Variants in TOP1MT observed in about 807,000 individuals in gnomAD.
TOP1MT encodes the protein DNA topoisomerase I, mitochondrial.
TOP1MT carries 80 observed loss-of-function variants against 73.9 expected under a neutral mutation model. The ratio of observed to expected loss-of-function variants is 1.08; its 90% CI spans 0.90 to 1.30. TOP1MT has a LOEUF of 1.30. Among genes scored for constraint, TOP1MT ranks in the 50% most tolerant of loss-of-function variants. The pLI, the probability that TOP1MT is intolerant of heterozygous loss-of-function variation, is 0.00. For synonymous variants in TOP1MT, 338 were observed against 326.4 expected, an observed-to-expected ratio of 1.04 and a Z score of -0.38; for missense variants, 815 against 808.0, an observed-to-expected ratio of 1.01 and a Z score of -0.10.
chr8:143,317,658 G>A, intron 10 of TOP1MT, 65 bp downstream of exon 10: 1 of 1,446,084 alleles, frequency 6.9e-7, no homozygotes, highest in Non-Finnish European at 9.5e-7. Context: ...GGCCAGCCGG[G>A]GAGCCCGGTC....
upstream of TOP1MT, among the ~76,000 whole-genome samples, chr8:143,339,289 G>C (rs1817033889): frequency 6.6e-6 from 1 of 152,186 alleles, no homozygotes; most frequent in South Asian, 2.1e-4. Flanking sequence ...GCGATGGTAT[G>C]CATCGTTCTT....
intron 3 of TOP1MT, chr8:143,328,384 A>G (rs1816759818): frequency 4.8e-6 from 2 of 420,300 alleles, no homozygotes; most frequent in African/African-American, 2.1e-5. Context: ...TCAGTTTTTT[A>G]AATAGACAAA....
intron 1 of TOP1MT, among the ~76,000 whole-genome samples, chr8:143,352,024 G>A (rs1817328731): frequency 6.6e-6 from 1 of 152,270 alleles, no homozygotes. Context: ...GGAGGTTGTG[G>A]TGAGCCAAGA....
chr8:143,334,871 T>A lies in TOP1MT; in HGVS notation c.-10A>T, dbSNP rs1586775178. ...GCCGCACCACGCGCATCTGCCAGCCTCCGGGAAAGAGCGACAAGCTGGGCC... is the reference window on the plus strand; with the variant it reads ...GCCGCACCACGCGCATCTGCCAGCCACCGGGAAAGAGCGACAAGCTGGGCC... On this transcript the variant is annotated 5_prime_UTR_variant, in exon 1 of 14. Transcript: ENST00000329245. 2 of 1,447,968 alleles carry A rather than the reference T, an allele frequency of 1.4e-6. No individual in the cohort carries two copies. Among genetic ancestry groups the A allele is most frequent in the Non-Finnish European group, 8.9e-7 (1 of 1,121,510 alleles). 89.7% of individuals were successfully genotyped at this position (1,447,968 alleles called of 1,614,324 possible).
At position 143,326,431 on chromosome 8, in the gene TOP1MT, G is replaced by A. The variant is rs373047422; in HGVS notation, c.361-87C>T. 161 of 1,567,952 alleles carry A rather than the reference G, an allele frequency of 1.0e-4. 1 individual carries two copies. The South Asian group carries it at 1.5e-3, about 15-fold the overall frequency. ...CGCCATGTCTGACGGACAGAAACGC[G>A]CTCTCGCCATGTCCGACGGAGGCGT... is the stretch of plus-strand genomic sequence containing the variant. On this transcript the variant is annotated intron_variant, in intron 3 of 13. Transcript: ENST00000329245.
intron 8 of TOP1MT, among the ~76,000 whole-genome samples, chr8:143,319,124 C>T (rs146090229): frequency 2.0e-5 from 3 of 152,196 alleles, no homozygotes; most frequent in Non-Finnish European, 4.4e-5. Context: ...CTGTCTCCTA[C>T]CTCCGATTAA....
Position 143,309,336 on chromosome 8 carries a change from T to C in TOP1MT, c.*105A>G, listed in dbSNP as rs533036899. On this transcript the variant is annotated 3_prime_UTR_variant, in exon 14 of 14. Transcript: ENST00000329245. ...CCGGCCTGGGGACTTTTTCTAGTGATGTACAAGCACTTGCACACATTTTAT... is the reference window on the plus strand; with the variant it reads ...CCGGCCTGGGGACTTTTTCTAGTGACGTACAAGCACTTGCACACATTTTAT... 41 of 1,260,108 alleles carry C rather than the reference T, an allele frequency of 3.3e-5. No homozygotes were observed. Among genetic ancestry groups the C allele is most frequent in the Admixed American group, 4.2e-5 (2 of 47,198 alleles). The allele number at this position is 1,260,108 out of a possible 1,614,324, so 78.1% of individuals were successfully genotyped here. A position where few individuals can be genotyped will look rare whatever the true frequency, so the allele number is the denominator to read the frequency against.
chr8:143,323,368 C>T (rs373589794), intron 7 of TOP1MT, among the ~76,000 whole-genome samples: 2 of 134,046 alleles, frequency 1.5e-5, no homozygotes, highest in Non-Finnish European at 3.1e-5. Context: ...CCCACAGGCA[C>T]GCCACACAGA....
chr8:143,350,530 C>T (rs1186795507), intron 1 of TOP1MT, among the ~76,000 whole-genome samples: 1 of 152,184 alleles, frequency 6.6e-6, no homozygotes, highest in African/African-American at 2.4e-5. Context: ...CGGGGTTTCG[C>T]CATGTTGGCC....
intron 5 of TOP1MT, 115 bp downstream of exon 5, chr8:143,325,231 G>A: frequency 2.0e-6 from 2 of 985,326 alleles, no homozygotes; most frequent in East Asian, 5.3e-5. Context: ...ATGGTGTGGG[G>A]GTCACCAACC....
chr8:143,345,827 T>G (rs939157817), upstream of TOP1MT, among the ~76,000 whole-genome samples: 1 of 152,220 alleles, frequency 6.6e-6, no homozygotes, highest in African/African-American at 2.4e-5. Flanking sequence ...ACTATTGCAT[T>G]GCTTTTCAAA....
intron 13 of TOP1MT, chr8:143,309,777 C>A: frequency 6.5e-7 from 1 of 1,533,556 alleles, no homozygotes; most frequent in Non-Finnish European, 8.7e-7. Context: ...GAGCAGGGCG[C>A]TCAGCCACCT....
chr8:143,345,961 G>A (rs1339734555), upstream of TOP1MT, among the ~76,000 whole-genome samples: 1 of 152,256 alleles, frequency 6.6e-6, no homozygotes. Flanking sequence ...GGGGGCAGGG[G>A]TGATGGTCGA....
At chr8:143,345,683 T>C (rs1817208536), upstream of TOP1MT, among the ~76,000 whole-genome samples, 1 of 152,216 alleles carries the variant, frequency 6.6e-6, no homozygotes, top group African/African-American at 2.4e-5. Context: ...GAAGAATACA[T>C]TACATAGTAC....
Position 143,324,577 on chromosome 8 carries a change from A to G in TOP1MT, c.724T>C (p.Ser242Pro). The G allele has an allele frequency of 6.2e-7, 1 of 1,613,692 alleles. No homozygotes were observed. Reference protein sequence around the residue: ...PAGHQWKEVRSDNTVTWLAAW... With the variant: ...PAGHQWKEVRPDNTVTWLAAW... ...GCCAGCCACGTGACGGTGTTATCGGAGCGCACCTCCTTCCACTGGTGCCCC... is the reference window on the plus strand; with the variant it reads ...GCCAGCCACGTGACGGTGTTATCGGGGCGCACCTCCTTCCACTGGTGCCCC... Residue 242 changes from serine to proline, a missense_variant, in exon 6 of 14, where the codon TCC becomes CCC. Ser to Pro is a moderately conservative substitution (Grantham distance 74). This residue lies in a region of TOP1MT where 751 missense variants were observed against 725.4 expected (regional missense o/e 1.04). Coordinates refer to ENST00000329245, the MANE Select transcript of TOP1MT (RefSeq NM_052963.3).
At position 143,326,409 on chromosome 8, in the gene TOP1MT, C is replaced by T. The variant is rs1457424514; in HGVS notation, c.361-65G>A. The T allele has an allele frequency of 1.1e-5, 18 of 1,597,994 alleles. No homozygotes were observed. The Admixed American group carries it at 3.1e-4, about 27-fold the overall frequency. On this transcript the variant is annotated intron_variant, in intron 3 of 13. Coordinates refer to ENST00000329245, the MANE Select transcript of TOP1MT (RefSeq NM_052963.3). ...GGACAGACATGCAGAGCGCTCTCGC[C>T]ATGTCTGACGGACAGAAACGCGCTC...
chr8:143,326,878 G>A (rs1317708526), intron 3 of TOP1MT, among the ~76,000 whole-genome samples: 1 of 152,206 alleles, frequency 6.6e-6, no homozygotes, highest in Non-Finnish European at 1.5e-5. Flanking sequence ...CAGCTCTGGG[G>A]GCTGGAAGGC....
At position 143,329,433 on chromosome 8, in the gene TOP1MT, C is replaced by A. The variant is rs200830353; in HGVS notation, c.277G>T (p.Ala93Ser). 2 of 1,610,908 alleles carry A rather than the reference C, an allele frequency of 1.2e-6. No homozygotes were observed. Among genetic ancestry groups the A allele is most frequent in the Non-Finnish European group, 1.7e-6 (2 of 1,179,110 alleles). The part of the protein sequence containing the change: ...VRLSVAAEEV[A>S]TFYGRMLDHE... ...TCTAACATCCTCCCATAAAAAGTGG[C>A]GACCTCCTCCGCTGCCACGCTCAAT... is the stretch of plus-strand genomic sequence containing the variant. Residue 93 changes from alanine to serine, a missense_variant, in exon 3 of 14, where the codon GCC becomes TCC. Around this residue, in one of 3 missense-constraint regions of TOP1MT, gnomAD observed 751 missense variants for 725.4 expected, o/e 1.04. Coordinates refer to ENST00000329245, the MANE Select transcript of TOP1MT (RefSeq NM_052963.3).
chr8:143,321,770 ACACACACGCACGCCACACACGCACGC>A (rs1223156711), intron 7 of TOP1MT, among the ~76,000 whole-genome samples: 1 of 98,396 alleles, frequency 1.0e-5, no homozygotes, highest in Non-Finnish European at 2.0e-5. Context: ...CAGGCACGCC[ACACACACGCACGCCACACACGCACGC>A]CACACACGCA....
Sources: allele counts gnomAD v4.1 joint callset (sites outside exome capture counted in the v4.1 genomes callset), GRCh38; gene constraint gnomAD v4.1.1; regional missense constraint gnomAD v4.1.1; transcripts MANE v1.5; gene names NCBI Gene and HGNC (gene_info 2026-07-23, HGNC 2026-07-21).